The following DENND5B variants were observed in gnomAD, a reference collection of about 807,000 sequenced individuals.
DENND5B encodes the protein DENN domain-containing protein 5B.
In DENND5B, 34 loss-of-function variants were observed where a neutral mutation model predicts 140.6. That is an observed-to-expected ratio of 0.24 (90% CI 0.18 to 0.32). DENND5B has a LOEUF of 0.32. Among genes scored for constraint, DENND5B ranks in the 10% least tolerant of loss-of-function variants. The pLI is 1.00. For missense variants in DENND5B, 1,142 were observed against 1,560.2 expected, an observed-to-expected ratio of 0.73 and a Z score of 4.52; for synonymous variants, 551 against 562.1, an observed-to-expected ratio of 0.98 and a Z score of 0.28.
rs112674569 is a variant in DENND5B at position 31,402,383 on chromosome 12, G to A, written c.2949+115C>T. The A allele has an allele frequency of 3.1e-4, 394 of 1,284,604 alleles. 4 individuals are homozygous for A. The African/African-American group carries it at 4.6e-3, about 15-fold the overall frequency. The allele number at this position is 1,284,604 out of a possible 1,614,324, so 79.6% of individuals were successfully genotyped here. A position where few individuals can be genotyped will look rare whatever the true frequency, so the allele number is the denominator to read the frequency against. ...TATAATCACAAAAATGATCCTGCAC[G>A]CTTTGAGTGTTCCTCTATTTTATTT... On this transcript the variant is annotated intron_variant, in intron 15 of 20. Transcript: ENST00000389082.
intron 2 of DENND5B, among the ~76,000 whole-genome samples, chr12:31,485,789 C>T (rs1946283339): frequency 6.6e-6 from 1 of 152,010 alleles, no homozygotes. Context: ...ACTCTGGGAG[C>T]CCTGAGGCAA....
chr12:31,563,668 AT>A (rs2139344843), intron 1 of DENND5B, among the ~76,000 whole-genome samples: 1 of 152,346 alleles, frequency 6.6e-6, no homozygotes, highest in East Asian at 1.9e-4. Context: ...ATTTTTAAAA[AT>A]AAAAGGATTA....
At chr12:31,587,334 A>G (rs73088579) in intron 1 of DENND5B, among the ~76,000 whole-genome samples, 272 of 152,264 alleles carry the variant, frequency 1.8e-3, no homozygotes, top group African/African-American at 4.4e-3. Flanking sequence ...AGAGAAGTTT[A>G]TAATTGTTCA....
chr12:31,396,062 T>G (rs1264482768), intron 17 of DENND5B, among the ~76,000 whole-genome samples: 1 of 132,828 alleles, frequency 7.5e-6, no homozygotes, highest in African/African-American at 2.6e-5. Context: ...CCTTGTTTTT[T>G]TTTTTTTTTT....
intron 1 of DENND5B, among the ~76,000 whole-genome samples, chr12:31,577,016 G>A (rs1270237674): frequency 6.6e-6 from 1 of 152,128 alleles, no homozygotes; most frequent in African/African-American, 2.4e-5. Flanking sequence ...ACAACCAAAA[G>A]AGCAATAAGA....
chr12:31,532,075 A>C (rs776423367), intron 1 of DENND5B, among the ~76,000 whole-genome samples: 2 of 152,210 alleles, frequency 1.3e-5, no homozygotes, highest in Non-Finnish European at 2.9e-5. Flanking sequence ...GACTGACATT[A>C]ATCAAAGGAA....
chr12:31,577,955 T>A (rs770343866), intron 1 of DENND5B, among the ~76,000 whole-genome samples: 2 of 151,140 alleles, frequency 1.3e-5, no homozygotes. Context: ...TGAAACCCCA[T>A]CTCTACAAAA....
At chr12:31,466,618 A>T (rs1347162621) in intron 3 of DENND5B, among the ~76,000 whole-genome samples, 1 of 152,160 alleles carries the variant, frequency 6.6e-6, no homozygotes, top group African/African-American at 2.4e-5. Context: ...GCTTGAACCC[A>T]GGAGGCGAAG....
intron 7 of DENND5B, among the ~76,000 whole-genome samples, chr12:31,437,215 T>A (rs1255133304): frequency 6.6e-6 from 1 of 151,254 alleles, no homozygotes; most frequent in Non-Finnish European, 1.5e-5. Context: ...CAATCTTGGC[T>A]CACTGCAAGC....
At chr12:31,525,098 G>A (rs1482747716) in intron 1 of DENND5B, among the ~76,000 whole-genome samples, 1 of 152,178 alleles carries the variant, frequency 6.6e-6, no homozygotes, top group African/African-American at 2.4e-5. Flanking sequence ...TGGCTTAGAT[G>A]TAAAGAAATT....
intron 1 of DENND5B, among the ~76,000 whole-genome samples, chr12:31,554,433 G>A (rs1054083534): frequency 8.5e-5 from 13 of 152,066 alleles, no homozygotes; most frequent in Admixed American, 2.6e-4. Context: ...CAAGAGATCT[G>A]CTGTTAGTCT....
chr12:31,536,549 A>G (rs1410376077), intron 1 of DENND5B, among the ~76,000 whole-genome samples: 1 of 152,126 alleles, frequency 6.6e-6, no homozygotes, highest in East Asian at 1.9e-4. Flanking sequence ...AAAAAGAGTA[A>G]GAATGAAGTA....
At chr12:31,448,831 G>A (rs943180900) in intron 5 of DENND5B, among the ~76,000 whole-genome samples, 1 of 151,196 alleles carries the variant, frequency 6.6e-6, no homozygotes, top group South Asian at 2.1e-4. Context: ...AAGAAACATA[G>A]TGAAACCGCA....
intron 7 of DENND5B, among the ~76,000 whole-genome samples, chr12:31,440,858 C>T (rs541557961): frequency 9.2e-5 from 14 of 152,272 alleles, no homozygotes; most frequent in Admixed American, 7.8e-4. Flanking sequence ...GCCTCAGCCT[C>T]CCAAGTAGCT....
intron 11 of DENND5B, among the ~76,000 whole-genome samples, chr12:31,420,575 T>C (rs903479735): frequency 1.4e-4 from 21 of 151,930 alleles, no homozygotes; most frequent in African/African-American, 4.6e-4. Context: ...TCCTGAATAG[T>C]TGGGATTACA....
chr12:31,444,022 CAAAT>C (rs1359730150), intron 6 of DENND5B: 4 of 152,068 alleles, frequency 2.6e-5, no homozygotes, highest in African/African-American at 7.2e-5. Context: ...CTCAGGTAAA[CAAAT>C]AAATAAAACC....
At position 31,413,474 on chromosome 12, in the gene DENND5B, C is replaced by T. The variant is rs745896564; in HGVS notation, c.2643G>A (p.Gln881=). ...RLSLEKKLLS[Q]HLKQLLSNQP... The stretch of plus-strand genomic sequence containing the variant: ...GGTTAGAAAGCAACTGCTTAAGATG[C>T]TGGGACAAGAGCTTCTTTTCTAGAG... The change falls in exon 13 of 21, where the codon CAG becomes CAA. Residue 881 remains glutamine (Q), a synonymous_variant. Transcript: ENST00000389082. The T allele has an allele frequency of 7.4e-6, 12 of 1,613,690 alleles. No individual in the cohort carries two copies. In the African/African-American group the frequency reaches 1.5e-4, roughly 20 times the overall value.
chr12:31,487,870 T>C (rs1946370313), intron 2 of DENND5B, among the ~76,000 whole-genome samples: 1 of 152,182 alleles, frequency 6.6e-6, no homozygotes, highest in African/African-American at 2.4e-5. Context: ...ATTGGTTGAA[T>C]GAATAAATGA....
rs982042734 is a variant in DENND5B at position 31,387,644 on chromosome 12, T to C, written c.3784A>G (p.Ile1262Val). Residue 1262 changes from isoleucine to valine, a missense_variant, in exon 21 of 21, where the codon ATA becomes GTA. Physicochemically the swap from Ile to Val is conservative, Grantham distance 29. Transcript: ENST00000389082. ...RILQTIQDFT[I>V]VLEGSLIKGV... is the part of the protein sequence containing the mutation. ...TTGATGAGTGATCCTTCTAGGACTA[T>C]GGTGAAGTCCTGAATGGTCTGCAGA... is the stretch of plus-strand genomic sequence containing the variant. The C allele has an allele frequency of 5.0e-6, 8 of 1,614,036 alleles. No individual in the cohort carries two copies. Among genetic ancestry groups the C allele is most frequent in the East Asian group, 4.5e-5 (2 of 44,878 alleles).
Sources: gnomAD v4.1 joint callset for allele counts (sites outside exome capture counted in the v4.1 genomes callset) on GRCh38, gnomAD v4.1.1 for gene constraint, MANE v1.5 for transcripts, NCBI Gene and HGNC (gene_info 2026-07-23, HGNC 2026-07-21) for gene names.